Variants in FIG4 observed in about 807,000 individuals in gnomAD.
FIG4 encodes FIG4 phosphoinositide 5-phosphatase.
FIG4 carries 112 observed loss-of-function variants against 118.6 expected under a neutral mutation model. That is an observed-to-expected ratio of 0.94 (90% CI 0.81 to 1.11). FIG4 has a LOEUF of 1.11. Ranked by LOEUF, FIG4 falls within the 50% of genes least tolerant of loss-of-function variation. FIG4 has a pLI of 0.00. For synonymous variants in FIG4, 369 were observed against 381.2 expected, an observed-to-expected ratio of 0.97 and a Z score of 0.37; for missense variants, 969 against 1,111.7, an observed-to-expected ratio of 0.87 and a Z score of 1.83.
At chr6:109,716,225 A>T (rs891806824) in intron 2 of FIG4, among the ~76,000 whole-genome samples, 4 of 151,904 alleles carry the variant, frequency 2.6e-5, no homozygotes, top group African/African-American at 9.7e-5. Flanking sequence ...AGGTTTGGAC[A>T]TTTTTTTTAG....
intron 22 of FIG4, among the ~76,000 whole-genome samples, chr6:109,804,444 T>C (rs1324983029): frequency 6.6e-6 from 1 of 152,144 alleles, no homozygotes; most frequent in Non-Finnish European, 1.5e-5. Context: ...GAGCATATAC[T>C]AGAAGTCTTT....
In FIG4 at chr6:109,743,163, G is replaced by A. The variant is rs1562656708; in HGVS notation, c.930G>A (p.Val310=). Residue 310 remains valine (V), a synonymous_variant, in exon 9 of 23, where the codon GTG becomes GTA. Coordinates refer to ENST00000230124, the MANE Select transcript of FIG4 (RefSeq NM_014845.6). The part of the protein sequence containing the change: ...ETEQILCDAS[V]MSFTAGSYSS... ...AACAAATACTCTGCGATGCTTCTGT[G>A]ATGTCTTTCACTGCAGGAAGTTATT... The A allele has an allele frequency of 1.2e-6, 2 of 1,613,028 alleles. No homozygotes were observed. The highest frequency in any genetic ancestry group is 8.5e-7 in the Non-Finnish European group (1 of 1,179,264).
At chr6:109,790,877 T>C (rs564569545) in intron 19 of FIG4, among the ~76,000 whole-genome samples, 3 of 152,284 alleles carry the variant, frequency 2.0e-5, no homozygotes, top group Admixed American at 2.0e-4. Context: ...AATAACACAA[T>C]AAAATTTAAA....
intron 8 of FIG4, among the ~76,000 whole-genome samples, chr6:109,741,933 T>C (rs771825891): frequency 1.4e-4 from 21 of 152,104 alleles, no homozygotes; most frequent in Non-Finnish European, 2.8e-4. Flanking sequence ...GCAACCATCG[T>C]AGGCCTAACT....
intron 22 of FIG4, among the ~76,000 whole-genome samples, chr6:109,797,206 C>T (rs1315583260): frequency 6.6e-6 from 1 of 152,174 alleles, no homozygotes; most frequent in Non-Finnish European, 1.5e-5. Flanking sequence ...CGATTTGTCT[C>T]TTCTAGCTGT....
intron 22 of FIG4, among the ~76,000 whole-genome samples, chr6:109,808,246 G>C (rs902204996): frequency 4.7e-5 from 7 of 150,444 alleles, no homozygotes; most frequent in African/African-American, 1.7e-4. Flanking sequence ...AATGTGGTCT[G>C]TAGGCCCTGG....
intron 1 of FIG4, among the ~76,000 whole-genome samples, chr6:109,705,136 T>C (rs1465446946): frequency 6.6e-6 from 1 of 152,156 alleles, no homozygotes; most frequent in Non-Finnish European, 1.5e-5. Context: ...GAGAAAAATT[T>C]AGTGGAGGGA....
At chr6:109,725,740 C>T (rs1286468066) in intron 3 of FIG4, among the ~76,000 whole-genome samples, 1 of 152,234 alleles carries the variant, frequency 6.6e-6, no homozygotes, top group Non-Finnish European at 1.5e-5. Flanking sequence ...TCCTGTTTCT[C>T]CACATCCTCT....
chr6:109,743,225 A>T lies in FIG4; in HGVS notation c.992A>T (p.Tyr331Phe). 1 of 1,612,972 alleles carries T rather than the reference A, an allele frequency of 6.2e-7. No homozygotes were observed. The highest frequency in any genetic ancestry group is 8.5e-7 in the Non-Finnish European group (1 of 1,179,248). Residue 331 changes from tyrosine (Y) to phenylalanine (F), a missense_variant, in exon 9 of 23, where the codon TAC becomes TTC. Physicochemically the swap from Tyr to Phe is conservative, Grantham distance 22. Around this residue, in one of 3 missense-constraint regions of FIG4, gnomAD observed 393 missense variants for 409.4 expected, o/e 0.96. Coordinates refer to ENST00000230124, the MANE Select transcript of FIG4 (RefSeq NM_014845.6). ...YVQVRGSVPL[Y>F]WSQDISTMMP... ...CAAGTTAGAGGATCTGTGCCCTTAT[A>T]CTGGTCTCAGGACATTTCAACTATG...
chr6:109,817,785 G>A (rs190864976), intron 22 of FIG4, among the ~76,000 whole-genome samples: 230 of 152,290 alleles, frequency 1.5e-3, no homozygotes, highest in Non-Finnish European at 2.5e-3. Context: ...GTCTCCTGGC[G>A]GCCTGGGAGC....
chr6:109,777,084 T>A, intron 16 of FIG4, 24 bp downstream of exon 16: 1 of 1,600,076 alleles, frequency 6.2e-7, no homozygotes, highest in East Asian at 2.2e-5. Flanking sequence ...TAGTCTGTAA[T>A]ATAAACTCCC....
chr6:109,730,448 T>TTGAAACATGGTCCAGACAATTGAAA (rs1775962413), intron 4 of FIG4, among the ~76,000 whole-genome samples: 2 of 152,112 alleles, frequency 1.3e-5, no homozygotes, highest in African/African-American at 4.8e-5. Flanking sequence ...AGCAAATGTC[T>TTGAAACATGGTCCAGACAATTGAAA]AAGCATGGTC....
intron 3 of FIG4, among the ~76,000 whole-genome samples, chr6:109,718,033 G>T (rs1431819302): frequency 6.6e-6 from 1 of 152,154 alleles, no homozygotes; most frequent in African/African-American, 2.4e-5. Flanking sequence ...GGTTCTGCAG[G>T]CTGTACAGGA....
chr6:109,815,276 A>T (rs1778829228), intron 22 of FIG4, among the ~76,000 whole-genome samples: 1 of 151,600 alleles, frequency 6.6e-6, no homozygotes, highest in African/African-American at 2.4e-5. Context: ...GGAGACACCC[A>T]CCCACAGGGA....
At chr6:109,818,037 G>A (rs1274963133) in intron 22 of FIG4, among the ~76,000 whole-genome samples, 1 of 152,214 alleles carries the variant, frequency 6.6e-6, no homozygotes, top group Non-Finnish European at 1.5e-5. Context: ...GAGCTGCTGT[G>A]TCTGCCTTCA....
chr6:109,786,258 C>T (rs530678809), intron 17 of FIG4, 44 bp from the exon 18 acceptor site: 1 of 1,553,790 alleles, frequency 6.4e-7, no homozygotes, highest in African/African-American at 1.4e-5. Context: ...TGTTTGCTTG[C>T]TATAATCTCA....
intron 1 of FIG4, among the ~76,000 whole-genome samples, chr6:109,699,428 G>T (rs765776089): frequency 6.7e-6 from 1 of 149,002 alleles, no homozygotes; most frequent in Non-Finnish European, 1.5e-5. Context: ...TCTATATTGT[G>T]TATTTTCTGG....
intron 10 of FIG4, among the ~76,000 whole-genome samples, chr6:109,753,616 C>T (rs904814366): frequency 7.2e-5 from 11 of 152,090 alleles, no homozygotes; most frequent in Admixed American, 5.9e-4. Context: ...TCTTTAATTC[C>T]GTTAAGCAGT....
intron 22 of FIG4, among the ~76,000 whole-genome samples, chr6:109,805,162 T>A (rs992924070): frequency 6.6e-6 from 1 of 152,170 alleles, no homozygotes; most frequent in Admixed American, 6.5e-5. Context: ...CCAGTCCTTA[T>A]TAGTTGAGTT....
Sources: gnomAD v4.1 joint callset for allele counts (sites outside exome capture counted in the v4.1 genomes callset) on GRCh38, gnomAD v4.1.1 for gene constraint, gnomAD v4.1.1 regional missense constraint, MANE v1.5 for transcripts, NCBI Gene and HGNC (gene_info 2026-07-23, HGNC 2026-07-21) for gene names.